Variants in PDE4D observed in about 807,000 individuals in gnomAD.
The protein encoded by PDE4D is phosphodiesterase 4D, also known as 3',5'-cyclic-AMP phosphodiesterase 4D.
PDE4D carries 24 observed loss-of-function variants against 87.4 expected under a neutral mutation model. That is an observed-to-expected ratio of 0.27 (90% confidence interval 0.20 to 0.39). The LOEUF (loss-of-function observed/expected upper bound fraction) is 0.39, where lower values mean the gene tolerates loss of function less well. Among genes scored for constraint, PDE4D ranks in the 10% least tolerant of loss-of-function variants. PDE4D has a pLI of 1.00. For synonymous variants in PDE4D, 384 were observed against 383.2 expected, an observed-to-expected ratio of 1.00 and a Z score of -0.02; for missense variants, 714 against 1,041.0, an observed-to-expected ratio of 0.69 and a Z score of 4.32.
intron 3 of PDE4D, among the ~76,000 whole-genome samples, chr5:59,949,794 G>A (rs533484642): frequency 6.6e-6 from 1 of 152,240 alleles, no homozygotes; most frequent in Non-Finnish European, 1.5e-5. Flanking sequence ...CTGATTTAGG[G>A]AGATTTTTAT....
intron 2 of PDE4D, among the ~76,000 whole-genome samples, chr5:60,163,813 G>A (rs1458073114): frequency 1.3e-5 from 2 of 152,148 alleles, no homozygotes; most frequent in Non-Finnish European, 2.9e-5. Flanking sequence ...AAAGGGGCAA[G>A]ATTTGGAAAG....
At chr5:60,325,646 G>A (rs1265112469) in intron 1 of PDE4D, among the ~76,000 whole-genome samples, 2 of 151,938 alleles carry the variant, frequency 1.3e-5, no homozygotes, top group Non-Finnish European at 2.9e-5. Context: ...TTCACATGCA[G>A]TTATAAAAAA....
intron 1 of PDE4D, among the ~76,000 whole-genome samples, chr5:59,677,999 T>G (rs773701231): frequency 6.6e-6 from 1 of 152,222 alleles, no homozygotes; most frequent in Non-Finnish European, 1.5e-5. Context: ...ACATAAGTAC[T>G]GAACAAATGC....
rs200629372 is a variant in PDE4D at position 60,050,225 on chromosome 5, G to A, written c.43-61508C>T. 7.1e-3 allele frequency among the ~76,000 whole-genome samples: 1,069 copies of A among 151,128 alleles called. 19 individuals carry two copies. The highest frequency in any genetic ancestry group is 0.045 in the East Asian group (234 of 5,154). ...GCAATGCCTCACCCTGCTTCGGCTC[G>A]CGCATGGTGCATGCACCCACTGACC... On this transcript the variant is annotated intron_variant, in intron 2 of 16. Coordinates refer to the PDE4D transcript ENST00000502484.
chr5:60,369,846 C>A lies in PDE4D; in HGVS notation c.-90+118096G>T, dbSNP rs141965515. Among the ~76,000 whole-genome samples the A allele has an allele frequency of 7.6e-4, 115 of 152,186 alleles. 1 individual carries two copies. The East Asian group carries it at 0.019, about 26-fold the overall frequency. On this transcript the variant is annotated intron_variant, in intron 1 of 16. Transcript: ENST00000502484. ...ATGCACACACAAAAAAAAATCAGAC[C>A]AGACGTGAATCGAGGTCATTCTGTG...
intron 2 of PDE4D, among the ~76,000 whole-genome samples, chr5:60,069,935 G>T (rs1230643015): frequency 6.6e-6 from 1 of 151,730 alleles, no homozygotes; most frequent in Non-Finnish European, 1.5e-5. Flanking sequence ...ATTCTTTTTG[G>T]CACTAGTTTA....
At chr5:59,306,232 T>A (rs1370368744) in intron 1 of PDE4D, among the ~76,000 whole-genome samples, 6 of 152,216 alleles carry the variant, frequency 3.9e-5, no homozygotes, top group African/African-American at 1.4e-4. Context: ...TGGTGTCCAT[T>A]TGCATGGAAA....
In PDE4D at chr5:59,908,102, C is replaced by G. The variant is rs982603650; in HGVS notation, c.272+80386G>C. On this transcript the variant is annotated intron_variant, in intron 3 of 16. Transcript: ENST00000502484. ...CTTCAATTTGCCTGAATTTCTTTGC[C>G]TATTTTCTTCTGTTGATGAAATTAA... Among the ~76,000 whole-genome samples, 3 of 151,988 alleles carry G rather than the reference C, an allele frequency of 2.0e-5. No individual in the cohort carries two copies. In the East Asian group the frequency reaches 5.8e-4, roughly 29 times the overall value.
chr5:60,369,284 G>T (rs10939844), intron 1 of PDE4D, among the ~76,000 whole-genome samples: 15,558 of 152,042 alleles, frequency 0.1, 977 homozygotes, highest in African/African-American at 0.17. Context: ...TGACTGAAGA[G>T]GTGAGTTCAG....
chr5:59,943,561 C>A (rs762826520), intron 3 of PDE4D, among the ~76,000 whole-genome samples: 2 of 152,134 alleles, frequency 1.3e-5, no homozygotes, highest in Non-Finnish European at 2.9e-5. Context: ...CATTTGTAGC[C>A]ATTTGGCTTC....
chr5:59,429,903 T>C (rs1795865540), intron 1 of PDE4D, among the ~76,000 whole-genome samples: 2 of 152,216 alleles, frequency 1.3e-5, no homozygotes, highest in Admixed American at 1.3e-4. Flanking sequence ...CATTAATGTG[T>C]TATGATGCAT....
At chr5:60,366,043 C>CAAA (rs201694311) in intron 1 of PDE4D, among the ~76,000 whole-genome samples, 50 of 70,706 alleles carry the variant, frequency 7.1e-4, no homozygotes, top group African/African-American at 2.5e-3. Flanking sequence ...GACTCTGTCT[C>CAAA]AAAAAAAAAA....
chr5:59,304,412 G>A (rs1219164669), intron 1 of PDE4D, among the ~76,000 whole-genome samples: 1 of 152,078 alleles, frequency 6.6e-6, no homozygotes, highest in African/African-American at 2.4e-5. Flanking sequence ...GATTGCTCTT[G>A]CTAGGACTTC....
intron 1 of PDE4D, among the ~76,000 whole-genome samples, chr5:59,282,635 C>A: frequency 9.8e-6 from 1 of 101,932 alleles, no homozygotes; most frequent in African/African-American, 3.9e-5. Context: ...AAGAGTGAAA[C>A]TCCAGCTCAA....
intron 5 of PDE4D, among the ~76,000 whole-genome samples, chr5:59,056,443 T>C (rs1762375960): frequency 6.6e-6 from 1 of 151,978 alleles, no homozygotes; most frequent in African/African-American, 2.4e-5. Context: ...TTTCTTGTGT[T>C]TTTTTTTACT....
chr5:60,117,342 T>C (rs796828126), intron 2 of PDE4D, among the ~76,000 whole-genome samples: 10 of 152,126 alleles, frequency 6.6e-5, no homozygotes, highest in African/African-American at 2.4e-4. Context: ...AGATACTAGA[T>C]ATATTCCAGA....
chr5:59,964,246 G>A (rs1759766593), intron 3 of PDE4D, among the ~76,000 whole-genome samples: 1 of 152,042 alleles, frequency 6.6e-6, no homozygotes, highest in African/African-American at 2.4e-5. Context: ...CTTTACTTTG[G>A]TCTCATTATG....
chr5:59,755,481 T>C (rs1163916024), intron 1 of PDE4D, among the ~76,000 whole-genome samples: 4 of 152,142 alleles, frequency 2.6e-5, no homozygotes, highest in African/African-American at 9.7e-5. Flanking sequence ...ATTGTGAAGG[T>C]GATTCAAGAA....
At chr5:59,343,526 T>A (rs1044548934) in intron 1 of PDE4D, among the ~76,000 whole-genome samples, 1 of 152,184 alleles carries the variant, frequency 6.6e-6, no homozygotes, top group African/African-American at 2.4e-5. Flanking sequence ...TATATCAGAA[T>A]GTACAGCATA....
Sources: gnomAD v4.1 joint callset for allele counts (sites outside exome capture counted in the v4.1 genomes callset) on GRCh38, gnomAD v4.1.1 for gene constraint, MANE v1.5 for transcripts, NCBI Gene and HGNC (gene_info 2026-07-23, HGNC 2026-07-21) for gene names.